SLC7A2: variants seen among roughly 807,000 people sequenced by gnomAD.
SLC7A2 encodes solute carrier family 7 member 2.
SLC7A2 carries 48 observed loss-of-function variants against 58.9 expected under a neutral mutation model. The ratio of observed to expected loss-of-function variants is 0.82; its 90% CI spans 0.65 to 1.04. SLC7A2 has a LOEUF of 1.04. SLC7A2 is among the 50% of genes least tolerant of loss of function. The probability of loss-of-function intolerance (pLI) is 0.00; values close to 1 mark genes in which losing one functional copy is unlikely to be tolerated. For missense variants in SLC7A2, 1,029 were observed against 818.8 expected, an observed-to-expected ratio of 1.26 and a Z score of -3.13; for synonymous variants, 363 against 314.5, an observed-to-expected ratio of 1.15 and a Z score of -1.63.
intron 2 of SLC7A2, chr8:17,510,773 A>G (rs1473773925): frequency 6.6e-6 from 1 of 152,206 alleles, no homozygotes; most frequent in Non-Finnish European, 1.5e-5. Flanking sequence ...AGGAATAGAA[A>G]TCATTCTACT....
intron 8 of SLC7A2, chr8:17,555,072 G>T (rs1802630200): frequency 6.2e-7 from 1 of 1,613,676 alleles, no homozygotes; most frequent in African/African-American, 1.3e-5. Context: ...TGACTGCAGG[G>T]GTCATTTCTG....
chr8:17,546,400 T>C (rs1435364195), intron 4 of SLC7A2, among the ~76,000 whole-genome samples: 3 of 152,240 alleles, frequency 2.0e-5, no homozygotes, highest in Non-Finnish European at 4.4e-5. Flanking sequence ...CCTATTCATA[T>C]CGTAACACCA....
intron 2 of SLC7A2, among the ~76,000 whole-genome samples, chr8:17,509,581 C>A (rs548612064): frequency 7.6e-4 from 115 of 152,234 alleles, no homozygotes; most frequent in Non-Finnish European, 1.4e-3. Flanking sequence ...GCTGGGAAGA[C>A]AGGCGGGAGC....
chr8:17,565,208 A>G lies in SLC7A2; in HGVS notation c.*62A>G, dbSNP rs7838611. 73,701 of 1,308,560 alleles carry G rather than the reference A, an allele frequency of 0.056. 5,133 individuals are homozygous for G. Among genetic ancestry groups the G allele is most frequent in the African/African-American group, 0.32 (21,558 of 67,260 alleles). 81.1% of individuals were successfully genotyped at this position (1,308,560 alleles called of 1,614,324 possible). On this transcript the variant is annotated 3_prime_UTR_variant, in exon 13 of 13. Coordinates refer to ENST00000494857, the MANE Select transcript of SLC7A2 (RefSeq NM_001370338.1). ...ACATATCCTACACTGAGTAAACCGT[A>G]ACGGGATGTCATCAGCATGCTGGGT... is the stretch of plus-strand genomic sequence containing the variant.
chr8:17,500,408 A>G (rs1800106395), intron 1 of SLC7A2: 2 of 152,088 alleles, frequency 1.3e-5, no homozygotes, highest in African/African-American at 4.8e-5. Context: ...GGTTATGGAA[A>G]TGTTGTGGAT....
chr8:17,548,979 G>A, intron 5 of SLC7A2, 136 bp downstream of exon 5: 4 of 757,496 alleles, frequency 5.3e-6, no homozygotes, highest in Non-Finnish European at 8.4e-6. Flanking sequence ...GAGATTTAAT[G>A]GACTCACAGT....
chr8:17,556,905 A>G (rs147501449), intron 8 of SLC7A2, among the ~76,000 whole-genome samples: 238 of 152,192 alleles, frequency 1.6e-3, no homozygotes, highest in South Asian at 3.9e-3. Flanking sequence ...CTCTGTGCCC[A>G]GCAAAGAATT....
intron 2 of SLC7A2, among the ~76,000 whole-genome samples, chr8:17,530,113 C>T (rs1200016504): frequency 6.6e-6 from 1 of 152,050 alleles, no homozygotes; most frequent in Non-Finnish European, 1.5e-5. Context: ...CTAGCTTTTC[C>T]CTGCCTCCTA....
At chr8:17,544,000 C>T (rs1802045433) in intron 3 of SLC7A2, among the ~76,000 whole-genome samples, 1 of 152,162 alleles carries the variant, frequency 6.6e-6, no homozygotes, top group Non-Finnish European at 1.5e-5. Flanking sequence ...TCCTGAGTAG[C>T]TGGGATTACA....
At chr8:17,517,554 G>A (rs769597330) in intron 2 of SLC7A2, among the ~76,000 whole-genome samples, 6 of 151,732 alleles carry the variant, frequency 4.0e-5, no homozygotes, top group Non-Finnish European at 8.8e-5. Context: ...TAGCTTAGAG[G>A]TATAAGTTTT....
intron 2 of SLC7A2, among the ~76,000 whole-genome samples, chr8:17,535,838 G>A (rs1801640820): frequency 6.6e-6 from 1 of 152,136 alleles, no homozygotes; most frequent in African/African-American, 2.4e-5. Context: ...GGGAGGCGGA[G>A]GTGGCAGTGA....
At chr8:17,536,215 A>C (rs559991915) in intron 2 of SLC7A2, among the ~76,000 whole-genome samples, 1 of 152,142 alleles carries the variant, frequency 6.6e-6, no homozygotes, top group South Asian at 2.1e-4. Context: ...AACAGTGGGC[A>C]TTGGGAGAAA....
At chr8:17,511,848 G>C (rs1800617391) in intron 2 of SLC7A2, among the ~76,000 whole-genome samples, 1 of 152,108 alleles carries the variant, frequency 6.6e-6, no homozygotes. Flanking sequence ...ACCCATGCTA[G>C]GGCTGGCCAC....
chr8:17,530,126 C>G (rs1801385022), intron 2 of SLC7A2, among the ~76,000 whole-genome samples: 1 of 152,102 alleles, frequency 6.6e-6, no homozygotes, highest in Non-Finnish European at 1.5e-5. Flanking sequence ...GCCTCCTACC[C>G]CGTGCTATAT....
intron 5 of SLC7A2, among the ~76,000 whole-genome samples, chr8:17,549,755 T>A (rs772508550): frequency 6.6e-6 from 1 of 152,164 alleles, no homozygotes; most frequent in Non-Finnish European, 1.5e-5. Context: ...GTCATTCCAA[T>A]AAGGGAAAAA....
rs778170688 is a variant in SLC7A2, at chr8:17,563,751, T to C, written c.1780+40T>C. 6.6e-6 allele frequency: 8 copies of C among 1,209,610 alleles called. 1 individual carries two copies. In the South Asian group the frequency reaches 8.7e-5, roughly 13 times the overall value. The allele number at this position is 1,209,610 out of a possible 1,614,324, so 74.9% of individuals were successfully genotyped here. A position where few individuals can be genotyped will look rare whatever the true frequency, so the allele number is the denominator to read the frequency against. Reference sequence around the variant, plus strand: ...GTCGGGTTCTCTTTCCTATTTCATGTGCTGTGATGAGAGAAACATGCCCTC... The same window carrying C: ...GTCGGGTTCTCTTTCCTATTTCATGCGCTGTGATGAGAGAAACATGCCCTC... On this transcript the variant is annotated intron_variant, in intron 12 of 12. Coordinates refer to ENST00000494857, the MANE Select transcript of SLC7A2 (RefSeq NM_001370338.1).
In SLC7A2 at chr8:17,560,372, A is replaced by G; in HGVS notation, c.1343A>G (p.Glu448Gly). 1 of 1,614,186 alleles carries G rather than the reference A, an allele frequency of 6.2e-7. No homozygotes were observed. The highest frequency in any genetic ancestry group is 1.3e-5 in the African/African-American group (1 of 75,056). ...TACGACCAGCCCAAATGTTCTCCTG[A>G]GAAAGATGGTCTGGGATCGTCTCCC... ...LSYDQPKCSP[E>G]KDGLGSSPRV... The change falls in exon 10 of 13, where the codon GAG (glutamate) becomes GGG (glycine). Residue 448 changes from glutamate (E) to glycine (G), a missense_variant. Physicochemically the swap from Glu to Gly is moderately conservative, Grantham distance 98 (BLOSUM62 -2). Coordinates refer to ENST00000494857, the MANE Select transcript of SLC7A2 (RefSeq NM_001370338.1).
intron 2 of SLC7A2, among the ~76,000 whole-genome samples, chr8:17,529,476 C>A (rs1251282969): frequency 6.6e-6 from 1 of 151,686 alleles, no homozygotes; most frequent in Non-Finnish European, 1.5e-5. Context: ...ACCCAAGTGC[C>A]ATGGGGCTCA....
At chr8:17,563,476 G>T in intron 11 of SLC7A2, 127 bp from the exon 12 acceptor site, 1 of 637,846 alleles carries the variant, frequency 1.6e-6, no homozygotes, top group Non-Finnish European at 2.8e-6. Context: ...CTCTAGAAGC[G>T]TGGTTTTAAC....
Sources: gnomAD v4.1 joint callset for allele counts (sites outside exome capture counted in the v4.1 genomes callset) on GRCh38, gnomAD v4.1.1 for gene constraint, MANE v1.5 for transcripts, NCBI Gene and HGNC (gene_info 2026-07-23, HGNC 2026-07-21) for gene names.